Variants in ARID2 observed in about 807,000 individuals in gnomAD.
The protein encoded by ARID2 is AT-rich interaction domain 2.
Under a neutral mutation model 184.6 loss-of-function variants are expected in ARID2, and 32 were observed. The ratio of observed to expected loss-of-function variants is 0.17; its 90% CI spans 0.13 to 0.23. The LOEUF (loss-of-function observed/expected upper bound fraction) is 0.23. Ranked by LOEUF, ARID2 falls within the 10% of genes least tolerant of loss-of-function variation. ARID2 has a pLI of 1.00. For missense variants in ARID2, 1,696 were observed against 2,197.6 expected, an observed-to-expected ratio of 0.77 and a Z score of 4.56; for synonymous variants, 836 against 772.6, an observed-to-expected ratio of 1.08 and a Z score of -1.36.
At chr12:45,780,647 T>C (rs1942070926) in intron 3 of ARID2, among the ~76,000 whole-genome samples, 1 of 152,108 alleles carries the variant, frequency 6.6e-6, no homozygotes, top group African/African-American at 2.4e-5. Flanking sequence ...AGACGGAGTC[T>C]TGCTCTTATT....
At chr12:45,810,103 A>G (rs1362159741) in intron 3 of ARID2, among the ~76,000 whole-genome samples, 2 of 152,202 alleles carry the variant, frequency 1.3e-5, no homozygotes, top group African/African-American at 4.8e-5. Context: ...AATCACATGT[A>G]GAACTTTTCT....
chr12:45,825,866 A>C (rs1942987646), intron 6 of ARID2, among the ~76,000 whole-genome samples: 1 of 151,980 alleles, frequency 6.6e-6, no homozygotes, highest in South Asian at 2.1e-4. Flanking sequence ...CCTGTCTTTA[A>C]GGGGAAAAAA....
intron 3 of ARID2, among the ~76,000 whole-genome samples, chr12:45,796,768 C>T (rs540201235): frequency 6.6e-6 from 1 of 152,266 alleles, no homozygotes; most frequent in Non-Finnish European, 1.5e-5. Flanking sequence ...CCACCTTGGC[C>T]TCCCAGAGTG....
At chr12:45,765,247 A>G (rs922141568) in intron 3 of ARID2, among the ~76,000 whole-genome samples, 17 of 151,956 alleles carry the variant, frequency 1.1e-4, no homozygotes, top group Admixed American at 2.6e-4. Flanking sequence ...TCTCTCTGTC[A>G]CACAGGCTGG....
At chr12:45,753,289 T>G (rs1941501653) in intron 3 of ARID2, among the ~76,000 whole-genome samples, 1 of 149,252 alleles carries the variant, frequency 6.7e-6, no homozygotes, top group Non-Finnish European at 1.5e-5. Flanking sequence ...AGAGCGAAAC[T>G]CCATCTCAAA....
intron 16 of ARID2, among the ~76,000 whole-genome samples, chr12:45,889,425 T>G (rs1028726847): frequency 6.6e-6 from 1 of 152,190 alleles, no homozygotes; most frequent in Non-Finnish European, 1.5e-5. Context: ...ACATATTGTT[T>G]ATGATTTGCG....
intron 2 of ARID2, 87 bp from the exon 3 acceptor site, chr12:45,731,130 C>A (rs1048623593): frequency 1.0e-6 from 1 of 965,846 alleles, no homozygotes; most frequent in Non-Finnish European, 1.7e-6. Flanking sequence ...ATCTACAGAT[C>A]TCTGTAGAAT....
At chr12:45,753,117 G>A (rs1402694591) in intron 3 of ARID2, among the ~76,000 whole-genome samples, 1 of 152,056 alleles carries the variant, frequency 6.6e-6, no homozygotes, top group African/African-American at 2.4e-5. Flanking sequence ...TACAAAATTA[G>A]CTGGGTGTGG....
At chr12:45,896,762 C>T (rs544084042) in intron 20 of ARID2, among the ~76,000 whole-genome samples, 9 of 152,080 alleles carry the variant, frequency 5.9e-5, no homozygotes, top group Non-Finnish European at 1.2e-4. Flanking sequence ...AGGATGCTGG[C>T]CATTAAGAGA....
intron 3 of ARID2, among the ~76,000 whole-genome samples, chr12:45,773,053 G>A (rs1242985436): frequency 6.6e-6 from 1 of 152,024 alleles, no homozygotes; most frequent in Non-Finnish European, 1.5e-5. Context: ...ATAATACAAA[G>A]CATGTTTTCA....
At chr12:45,890,830 A>G (rs1487576100) in intron 16 of ARID2, among the ~76,000 whole-genome samples, 1 of 152,126 alleles carries the variant, frequency 6.6e-6, no homozygotes, top group African/African-American at 2.4e-5. Flanking sequence ...TATGACAGCC[A>G]TAAAAAGTCA....
At chr12:45,864,429 C>T (rs1320833532) in intron 16 of ARID2, among the ~76,000 whole-genome samples, 2 of 151,912 alleles carry the variant, frequency 1.3e-5, no homozygotes, top group South Asian at 2.1e-4. Context: ...AAGGTTCAAA[C>T]ATTGCCTCTG....
rs141390648 is a variant in ARID2 at position 45,739,825 on chromosome 12, C to T, written c.284+8511C>T. Among the ~76,000 whole-genome samples the T allele has an allele frequency of 1.4e-3, 212 of 152,216 alleles. 1 individual carries two copies. Among genetic ancestry groups the T allele is most frequent in the African/African-American group, 5.0e-3 (206 of 41,528 alleles). ...GATCAGTGGGAACATTCTTCTATTA[C>T]AATAGGTCAAGGAAGAGACCATAGC... On this transcript the variant is annotated intron_variant, in intron 3 of 20. Transcript: ENST00000334344.
rs2138173361 is a variant in ARID2 at position 45,851,747 on chromosome 12, A to G, written c.3624A>G (p.Thr1208=). 2 of 1,614,176 alleles carry G rather than the reference A, an allele frequency of 1.2e-6. No individual in the cohort carries two copies. The highest frequency in any genetic ancestry group is 1.7e-6 in the Non-Finnish European group (2 of 1,180,012). Residue 1208 remains threonine, a synonymous_variant, in exon 15 of 21, where the codon ACA becomes ACG. Transcript: ENST00000334344. Reference sequence around the variant, plus strand: ...GAATTACCATGAGCGGAACGCAGACAGGAGTTGGACTTCCAGTACAAACGC... The same window carrying G: ...GAATTACCATGAGCGGAACGCAGACGGGAGTTGGACTTCCAGTACAAACGC... ...PAGITMSGTQ[T]GVGLPVQTLP...
At position 45,730,072 on chromosome 12, in the gene ARID2, G is replaced by C. The variant is rs1940948860; in HGVS notation, c.121G>C (p.Gly41Arg). 1 of 1,613,608 alleles carries C rather than the reference G, an allele frequency of 6.2e-7. No individual in the cohort carries two copies. Among genetic ancestry groups the C allele is most frequent in the Non-Finnish European group, 8.5e-7 (1 of 1,179,756 alleles). The change falls in exon 2 of 21, where the codon GGT (glycine) becomes CGT (arginine). Residue 41 changes from glycine (G) to arginine (R), a missense_variant. Transcript: ENST00000334344. ...GCCTTTTAAAAAAATCCCTGCGGTG[G>C]GTGGGAAGGAGCTGGATCTTCACGG... ...GSPFKKIPAV[G>R]GKELDLHGLY...
At chr12:45,810,190 AGTGTTGTGTT>A in intron 3 of ARID2, among the ~76,000 whole-genome samples, 1 of 152,226 alleles carries the variant, frequency 6.6e-6, no homozygotes, top group Admixed American at 6.5e-5. Flanking sequence ...ATGTTAGAAT[AGTGTTGTGTT>A]TGACATGGTT....
At chr12:45,901,325 C>T (rs1432934474) in intron 20 of ARID2, among the ~76,000 whole-genome samples, 1 of 151,548 alleles carries the variant, frequency 6.6e-6, no homozygotes, top group African/African-American at 2.4e-5. Context: ...CGCCCACCAC[C>T]ATGCCCCGCT....
At chr12:45,826,953 G>A (rs1164864949) in intron 6 of ARID2, among the ~76,000 whole-genome samples, 1 of 151,782 alleles carries the variant, frequency 6.6e-6, no homozygotes, top group East Asian at 1.9e-4. Context: ...CATCCTTAAT[G>A]TTTAGTATTT....
chr12:45,887,221 ATAAAT>A (rs1944206412), intron 16 of ARID2, among the ~76,000 whole-genome samples: 2 of 152,216 alleles, frequency 1.3e-5, no homozygotes, highest in Non-Finnish European at 2.9e-5. Flanking sequence ...ACCAACTATT[ATAAAT>A]TATAGTGATG....
Sources: allele counts gnomAD v4.1 joint callset (sites outside exome capture counted in the v4.1 genomes callset), GRCh38; gene constraint gnomAD v4.1.1; transcripts MANE v1.5; gene names NCBI Gene and HGNC (gene_info 2026-07-23, HGNC 2026-07-21).